CUL1: variants seen among roughly 807,000 people sequenced by gnomAD.
CUL1 encodes cullin-1.
CUL1 carries 24 observed loss-of-function variants against 118.0 expected under a neutral mutation model. That is an observed-to-expected ratio of 0.20 (90% CI 0.15 to 0.29). CUL1 has a LOEUF of 0.29. Ranked by LOEUF, CUL1 falls within the 10% of genes least tolerant of loss-of-function variation. The probability of loss-of-function intolerance (pLI) is 1.00; values close to 1 mark genes in which losing one functional copy is unlikely to be tolerated. For missense variants in CUL1, 361 were observed against 933.8 expected (o/e 0.39, Z 7.99); for synonymous variants, 332 against 340.4 (o/e 0.98, Z 0.27).
At chr7:148,737,160 A>G (rs894464423) in intron 2 of CUL1, among the ~76,000 whole-genome samples, 17 of 151,976 alleles carry the variant, frequency 1.1e-4, no homozygotes, top group African/African-American at 4.1e-4. Context: ...CCCTGTAGAA[A>G]TTATGAGATT....
chr7:148,714,588 T>C (rs762537156), intron 1 of CUL1, among the ~76,000 whole-genome samples: 35 of 152,202 alleles, frequency 2.3e-4, no homozygotes, highest in Non-Finnish European at 4.3e-4. Flanking sequence ...TCTAAGAGAA[T>C]CTGAATAGCA....
intron 9 of CUL1, among the ~76,000 whole-genome samples, chr7:148,778,970 C>A (rs1269067204): frequency 6.6e-6 from 1 of 152,126 alleles, no homozygotes; most frequent in Non-Finnish European, 1.5e-5. Context: ...AGGAAGTGTT[C>A]GAGTGTTAAA....
chr7:148,741,817 T>C (rs1001116796), intron 2 of CUL1, among the ~76,000 whole-genome samples: 1 of 152,244 alleles, frequency 6.6e-6, no homozygotes, highest in Non-Finnish European at 1.5e-5. Context: ...CAAGTGATTC[T>C]CCTGCCTCAG....
At chr7:148,698,725 C>A (rs1038288868), upstream of CUL1, 2 of 152,376 alleles carry the variant, frequency 1.3e-5, no homozygotes, top group African/African-American at 4.8e-5. Context: ...GCGTTCCGGC[C>A]CTCCCCCAAC....
chr7:148,708,017 T>TC (rs1323930248), intron 1 of CUL1, among the ~76,000 whole-genome samples: 3 of 152,192 alleles, frequency 2.0e-5, no homozygotes, highest in Non-Finnish European at 4.4e-5. Flanking sequence ...CTTTCTTTTT[T>TC]CTTGGGTGAC....
At chr7:148,739,917 G>A (rs558891458) in intron 2 of CUL1, among the ~76,000 whole-genome samples, 1 of 152,258 alleles carries the variant, frequency 6.6e-6, no homozygotes, top group South Asian at 2.1e-4. Context: ...TAAGGCTTAA[G>A]GTTAAATTTC....
chr7:148,756,730 C>T (rs1799672854), intron 3 of CUL1, among the ~76,000 whole-genome samples: 1 of 151,936 alleles, frequency 6.6e-6, no homozygotes, highest in African/African-American at 2.4e-5. Context: ...GTTCAGGGTA[C>T]TTTTTTTGAG....
chr7:148,755,262 A>G (rs923790532), intron 3 of CUL1, among the ~76,000 whole-genome samples: 3 of 152,148 alleles, frequency 2.0e-5, no homozygotes, highest in African/African-American at 7.2e-5. Flanking sequence ...GTATCTAGCC[A>G]CAAGATGAGC....
intron 1 of CUL1, among the ~76,000 whole-genome samples, chr7:148,712,676 G>GT (rs1233639570): frequency 2.0e-5 from 3 of 152,096 alleles, no homozygotes; most frequent in Non-Finnish European, 4.4e-5. Context: ...TTTTATTTTC[G>GT]TAACTCACTT....
intron 1 of CUL1, among the ~76,000 whole-genome samples, chr7:148,708,768 G>GTC (rs573597535): frequency 1.7e-4 from 26 of 152,208 alleles, no homozygotes; most frequent in Non-Finnish European, 3.4e-4. Flanking sequence ...CTGGGTATTT[G>GTC]TCTCTATCTC....
At chr7:148,715,408 T>G (rs1798182279) in intron 1 of CUL1, among the ~76,000 whole-genome samples, 1 of 152,080 alleles carries the variant, frequency 6.6e-6, no homozygotes, top group Admixed American at 6.5e-5. Flanking sequence ...CTTACCACAG[T>G]CAGTGACTTT....
chr7:148,779,946 C>T (rs1800563795), intron 9 of CUL1, among the ~76,000 whole-genome samples: 1 of 152,158 alleles, frequency 6.6e-6, no homozygotes, highest in Admixed American at 6.5e-5. Flanking sequence ...ACTGGCCTGG[C>T]CTCCCAGCCT....
intron 9 of CUL1, among the ~76,000 whole-genome samples, chr7:148,769,519 C>T (rs1800138049): frequency 6.6e-6 from 1 of 151,332 alleles, no homozygotes. Flanking sequence ...ATATAAGGTG[C>T]CTTCCCAGTT....
chr7:148,779,899 C>T (rs1035710927), intron 9 of CUL1, among the ~76,000 whole-genome samples: 7 of 152,178 alleles, frequency 4.6e-5, no homozygotes, highest in African/African-American at 1.2e-4. Context: ...CAGCTGCCAG[C>T]GAATATAAGG....
chr7:148,731,816 G>A (rs1325515552), intron 2 of CUL1, among the ~76,000 whole-genome samples: 1 of 152,204 alleles, frequency 6.6e-6, no homozygotes, highest in Non-Finnish European at 1.5e-5. Context: ...CTTTGACTGA[G>A]CATGCTTGGA....
At chr7:148,776,307 C>CTTTTTTT (rs746777462) in intron 9 of CUL1, among the ~76,000 whole-genome samples, 4,085 of 40,638 alleles carry the variant, frequency 0.1, 1,520 homozygotes, top group East Asian at 0.11. Flanking sequence ...CATAACCAGG[C>CTTTTTTT]TTTTTTTTTT....
At position 148,756,359 on chromosome 7, in the gene CUL1, G is replaced by A. The variant is rs114806378; in HGVS notation, c.316-624G>A. On this transcript the variant is annotated intron_variant, in intron 3 of 21. Coordinates refer to ENST00000325222, the MANE Select transcript of CUL1 (RefSeq NM_003592.3). ...TTTTTTTTTTGGGAAGGGGTGCGGC[G>A]GAGTCTTGCTCTGTCGCCCAGGCTA... Among the ~76,000 whole-genome samples the A allele has an allele frequency of 2.6e-3, 392 of 152,078 alleles. 1 individual carries two copies. The highest frequency in any genetic ancestry group is 9.1e-3 in the African/African-American group (378 of 41,486).
Position 148,730,169 on chromosome 7 carries a change from G to A in CUL1, c.47G>A (p.Gly16Asp). ...AACCCCCACGGCCTGAAGCAGATTGGCCTGGACCAGATCTGGGACGACCTC... is the reference window on the plus strand; with the variant it reads ...AACCCCCACGGCCTGAAGCAGATTGACCTGGACCAGATCTGGGACGACCTC... ...SQNPHGLKQIGLDQIWDDLRA... is the reference protein window; with the variant it reads ...SQNPHGLKQIDLDQIWDDLRA... The change falls in exon 2 of 22, where the codon GGC becomes GAC. Residue 16 changes from glycine (G) to aspartate (D), a missense_variant. This residue lies in a region of CUL1 where 22 missense variants were observed against 20.6 expected (regional missense o/e 1.07). Transcript: ENST00000325222. 1 of 1,614,094 alleles carries A rather than the reference G, an allele frequency of 6.2e-7. No individual in the cohort carries two copies.
At chr7:148,751,726 T>G (rs1799498585) in intron 2 of CUL1, among the ~76,000 whole-genome samples, 1 of 151,654 alleles carries the variant, frequency 6.6e-6, no homozygotes, top group Admixed American at 6.6e-5. Flanking sequence ...ATTGTAAATG[T>G]GCGTTACACA....
Sources: gnomAD v4.1 joint callset for allele counts (sites outside exome capture counted in the v4.1 genomes callset) on GRCh38, gnomAD v4.1.1 for gene constraint, gnomAD v4.1.1 regional missense constraint, MANE v1.5 for transcripts, NCBI Gene and HGNC (gene_info 2026-07-23, HGNC 2026-07-21) for gene names.